FBXL2: variants seen among roughly 807,000 people sequenced by gnomAD.
FBXL2 encodes the protein F-box/LRR-repeat protein 2.
Under a neutral mutation model 69.2 loss-of-function variants are expected in FBXL2, and 38 were observed. The observed-to-expected ratio is 0.55, with a 90% CI of 0.42 to 0.72. The LOEUF is 0.72. Ranked by LOEUF, FBXL2 falls within the 30% of genes least tolerant of loss-of-function variation. The pLI is 0.00. For missense variants in FBXL2, 354 were observed against 520.3 expected, an observed-to-expected ratio of 0.68 and a Z score of 3.11; for synonymous variants, 192 against 201.3, an observed-to-expected ratio of 0.95 and a Z score of 0.39.
At chr3:33,343,160 T>C (rs1575271258) in intron 2 of FBXL2, among the ~76,000 whole-genome samples, 1 of 152,060 alleles carries the variant, frequency 6.6e-6, no homozygotes, top group East Asian at 1.9e-4. Context: ...TATATATATA[T>C]GATAGTTAAA....
chr3:33,366,659 A>G (rs538406962), intron 5 of FBXL2, among the ~76,000 whole-genome samples: 5 of 152,094 alleles, frequency 3.3e-5, no homozygotes, highest in Non-Finnish European at 5.9e-5. Context: ...GTGAGACTCT[A>G]TCTCTGAAAA....
At chr3:33,352,721 A>C (rs916527851) in intron 2 of FBXL2, among the ~76,000 whole-genome samples, 3 of 152,044 alleles carry the variant, frequency 2.0e-5, no homozygotes, top group Non-Finnish European at 4.4e-5. Context: ...AATGGTAAAA[A>C]TCCGTCTCTA....
intron 2 of FBXL2, among the ~76,000 whole-genome samples, chr3:33,308,247 C>G (rs974581248): frequency 6.6e-6 from 1 of 152,134 alleles, no homozygotes; most frequent in Non-Finnish European, 1.5e-5. Context: ...TAGTCCCTAT[C>G]CCAGACCTGG....
At chr3:33,300,769 C>T (rs111515963) in intron 2 of FBXL2, among the ~76,000 whole-genome samples, 7,517 of 148,712 alleles carry the variant, frequency 0.051, 624 homozygotes, top group African/African-American at 0.17. Flanking sequence ...AGTGCAATGG[C>T]GCAATCTTGG....
intron 5 of FBXL2, among the ~76,000 whole-genome samples, chr3:33,372,070 G>C (rs538787075): frequency 5.3e-5 from 8 of 152,116 alleles, no homozygotes; most frequent in Non-Finnish European, 1.2e-4. Context: ...TGCATACATT[G>C]ATCAGTGTGG....
chr3:33,376,167 A>AC (rs2042626907), intron 10 of FBXL2, among the ~76,000 whole-genome samples: 2 of 151,740 alleles, frequency 1.3e-5, no homozygotes, highest in African/African-American at 4.8e-5. Context: ...AAAAAAAAAA[A>AC]CAAAAAAAAC....
intron 4 of FBXL2, among the ~76,000 whole-genome samples, chr3:33,361,197 G>A (rs904699093): frequency 1.3e-5 from 2 of 149,670 alleles, no homozygotes; most frequent in Admixed American, 6.7e-5. Context: ...CGCCCGCCTC[G>A]GCCTCCCATG....
intron 2 of FBXL2, among the ~76,000 whole-genome samples, chr3:33,354,571 G>T (rs1031872535): frequency 2.0e-5 from 3 of 151,894 alleles, no homozygotes; most frequent in African/African-American, 7.3e-5. Context: ...AATTGTGCAT[G>T]TGCCAAATGG....
chr3:33,330,745 C>G (rs2039082633), intron 2 of FBXL2, among the ~76,000 whole-genome samples: 1 of 151,992 alleles, frequency 6.6e-6, no homozygotes, highest in South Asian at 2.1e-4. Flanking sequence ...AGAGATTAGC[C>G]AGGTGTAGTG....
At chr3:33,400,148 A>T in intron 12 of FBXL2, 1 of 1,298,004 alleles carries the variant, frequency 7.7e-7, no homozygotes, top group Non-Finnish European at 1.0e-6. Flanking sequence ...AAACAAAAAC[A>T]AAACATTCTC....
chr3:33,361,345 A>T (rs1255315215), intron 4 of FBXL2, among the ~76,000 whole-genome samples: 2 of 152,010 alleles, frequency 1.3e-5, no homozygotes, highest in African/African-American at 4.8e-5. Flanking sequence ...CTCTACAAAA[A>T]AATGAAAAAA....
chr3:33,402,947 A>C, intron 12 of FBXL2: 6 of 1,491,664 alleles, frequency 4.0e-6, no homozygotes, highest in Non-Finnish European at 5.5e-6. Context: ...TGCTTTTAAA[A>C]TATGTGGAAG....
intron 2 of FBXL2, among the ~76,000 whole-genome samples, chr3:33,345,797 G>A (rs2040387995): frequency 6.6e-6 from 1 of 152,114 alleles, no homozygotes; most frequent in Admixed American, 6.5e-5. Context: ...TAATACATGG[G>A]TCAAAGAAAA....
chr3:33,306,476 C>A (rs2036729260), intron 2 of FBXL2, among the ~76,000 whole-genome samples: 1 of 152,116 alleles, frequency 6.6e-6, no homozygotes, highest in Non-Finnish European at 1.5e-5. Context: ...AGATTTATCA[C>A]CTATATGTGC....
the FBXL2 span, chr3:33,409,178 A>G: frequency 6.6e-7 from 1 of 1,524,622 alleles, no homozygotes; most frequent in African/African-American, 1.4e-5. Flanking sequence ...TCATCTTAGA[A>G]ATAGACTAAT....
At chr3:33,395,658 G>A (rs2043949122) in intron 12 of FBXL2, among the ~76,000 whole-genome samples, 1 of 139,466 alleles carries the variant, frequency 7.2e-6, no homozygotes, top group African/African-American at 2.7e-5. Flanking sequence ...ACTTGTCAGT[G>A]ACAAGTCCAC....
chr3:33,397,816 A>G (rs2044066157), intron 12 of FBXL2: 1 of 152,204 alleles, frequency 6.6e-6, no homozygotes, highest in African/African-American at 2.4e-5. Context: ...AGCACCACCT[A>G]GAGAAGCAGT....
chr3:33,336,703 G>A (rs375898821), intron 2 of FBXL2, among the ~76,000 whole-genome samples: 2 of 151,198 alleles, frequency 1.3e-5, no homozygotes, highest in African/African-American at 2.4e-5. Flanking sequence ...CCAAGAGATC[G>A]AGACCATCCT....
chr3:33,361,340 CA>C (rs1182241817), intron 4 of FBXL2, among the ~76,000 whole-genome samples: 1 of 151,514 alleles, frequency 6.6e-6, no homozygotes, highest in South Asian at 2.1e-4. Context: ...TGCGTCTCTA[CA>C]AAAAAATGAA....
Sources: gnomAD v4.1 joint callset for allele counts (sites outside exome capture counted in the v4.1 genomes callset) on GRCh38, gnomAD v4.1.1 for gene constraint, MANE v1.5 for transcripts, NCBI Gene and HGNC (gene_info 2026-07-23, HGNC 2026-07-21) for gene names.